BCKDHB: variants seen among roughly 807,000 people sequenced by gnomAD.
BCKDHB encodes 2-oxoisovalerate dehydrogenase subunit beta, mitochondrial.
Under a neutral mutation model 48.5 loss-of-function variants are expected in BCKDHB, and 41 were observed. The observed-to-expected ratio is 0.85, with a 90% CI of 0.66 to 1.10. BCKDHB has a LOEUF of 1.10. Ranked by LOEUF, BCKDHB falls within the 50% of genes least tolerant of loss-of-function variation. The pLI, the probability that BCKDHB is intolerant of heterozygous loss-of-function variation, is 0.00. For synonymous variants in BCKDHB, 201 were observed against 174.8 expected (o/e 1.15, Z -1.18); for missense variants, 496 against 494.2 (o/e 1.00, Z -0.03).
At chr6:80,457,987 A>G in the BCKDHB span, among the ~76,000 whole-genome samples, 1 of 152,176 alleles carries the variant, frequency 6.6e-6, no homozygotes, top group Non-Finnish European at 1.5e-5. Flanking sequence ...ATAGACATAG[A>G]TTTCACGTAA....
At chr6:80,381,264 C>T in the BCKDHB span, among the ~76,000 whole-genome samples, 1 of 151,920 alleles carries the variant, frequency 6.6e-6, no homozygotes, top group African/African-American at 2.4e-5. Flanking sequence ...CTCAATGACA[C>T]CTCTGAGAAT....
At chr6:80,290,894 G>A (rs986709807) in intron 9 of BCKDHB, among the ~76,000 whole-genome samples, 2 of 152,196 alleles carry the variant, frequency 1.3e-5, no homozygotes, top group African/African-American at 4.8e-5. Context: ...AACACATAGG[G>A]GTAACTTGTT....
intron 1 of BCKDHB, 138 bp from the exon 2 acceptor site, chr6:80,127,409 A>T (rs1243663779): frequency 1.3e-6 from 1 of 747,444 alleles, no homozygotes; most frequent in Non-Finnish European, 2.3e-6. Flanking sequence ...TTATAGTATT[A>T]TTGTAAATAA....
chr6:80,214,320 A>C (rs1445872334), intron 8 of BCKDHB, among the ~76,000 whole-genome samples: 1 of 152,256 alleles, frequency 6.6e-6, no homozygotes, highest in Non-Finnish European at 1.5e-5. Flanking sequence ...TTGGAAATTT[A>C]ATTCTGATTT....
At chr6:80,284,502 T>A (rs1177412783) in intron 9 of BCKDHB, among the ~76,000 whole-genome samples, 1 of 152,134 alleles carries the variant, frequency 6.6e-6, no homozygotes, top group Non-Finnish European at 1.5e-5. Context: ...ACTTTATTTT[T>A]GCTTCTTGAT....
Position 80,130,764 on chromosome 6 carries a change from G to A in BCKDHB, c.343+1535G>A, listed in dbSNP as rs150650772. Among the ~76,000 whole-genome samples, 720 of 152,186 alleles carry A rather than the reference G, an allele frequency of 4.7e-3. 13 individuals are homozygous for A. Among genetic ancestry groups the A allele is most frequent in the South Asian group, 0.03 (147 of 4,824 alleles). ...TAACTTGGAGATAACCACTGTACAC[G>A]TCTTGGTATATATACTTCTAGACTG... On this transcript the variant is annotated intron_variant, in intron 3 of 9. Transcript: ENST00000320393.
At chr6:80,151,758 A>G (rs1289573500) in intron 3 of BCKDHB, among the ~76,000 whole-genome samples, 1 of 152,180 alleles carries the variant, frequency 6.6e-6, no homozygotes, top group Non-Finnish European at 1.5e-5. Flanking sequence ...AGAAAAGGGC[A>G]CCAGCCTATT....
At chr6:80,146,043 C>T (rs543856216) in intron 3 of BCKDHB, among the ~76,000 whole-genome samples, 1 of 152,226 alleles carries the variant, frequency 6.6e-6, no homozygotes, top group African/African-American at 2.4e-5. Flanking sequence ...GTTTGCTTCA[C>T]AGCACTGCTT....
intron 8 of BCKDHB, among the ~76,000 whole-genome samples, chr6:80,216,432 A>G (rs771938830): frequency 9.2e-5 from 14 of 152,334 alleles, no homozygotes; most frequent in South Asian, 2.1e-4. Flanking sequence ...TCACACTACC[A>G]TATTTTCTTT....
chr6:80,333,832 T>G (rs1369203452), intron 9 of BCKDHB, among the ~76,000 whole-genome samples: 1 of 152,184 alleles, frequency 6.6e-6, no homozygotes, highest in African/African-American at 2.4e-5. Context: ...GCATTTTTAA[T>G]TTTATATTTT....
At chr6:80,266,611 T>C (rs1212502395) in intron 8 of BCKDHB, among the ~76,000 whole-genome samples, 8 of 152,070 alleles carry the variant, frequency 5.3e-5, no homozygotes, top group Non-Finnish European at 1.0e-4. Context: ...GAAGCATGTA[T>C]TGTACTGCGA....
intron 8 of BCKDHB, among the ~76,000 whole-genome samples, chr6:80,205,363 C>G (rs534531213): frequency 6.6e-6 from 1 of 151,868 alleles, no homozygotes; most frequent in African/African-American, 2.4e-5. Context: ...CTCATTAGAT[C>G]GCTGAGTTTT....
the BCKDHB span, among the ~76,000 whole-genome samples, chr6:80,458,747 G>T: frequency 6.6e-6 from 1 of 152,108 alleles, no homozygotes; most frequent in Non-Finnish European, 1.5e-5. Flanking sequence ...GGACATTGAG[G>T]GATGGGGTGA....
the BCKDHB span, among the ~76,000 whole-genome samples, chr6:80,434,498 T>C: frequency 6.6e-6 from 1 of 152,082 alleles, no homozygotes; most frequent in South Asian, 2.1e-4. Context: ...AATATTTTCC[T>C]GGGTTTTGCA....
At chr6:80,214,187 G>C (rs1419343457) in intron 8 of BCKDHB, among the ~76,000 whole-genome samples, 1 of 152,124 alleles carries the variant, frequency 6.6e-6, no homozygotes, top group South Asian at 2.1e-4. Flanking sequence ...AATGGGGAAG[G>C]AGTCAAACCT....
At chr6:80,241,595 G>C (rs1443490400) in intron 8 of BCKDHB, among the ~76,000 whole-genome samples, 2 of 152,170 alleles carry the variant, frequency 1.3e-5, no homozygotes, top group Non-Finnish European at 2.9e-5. Flanking sequence ...GTGCAGAGCA[G>C]CAAATATTGC....
At chr6:80,231,348 T>C (rs1433002449) in intron 8 of BCKDHB, among the ~76,000 whole-genome samples, 1 of 152,096 alleles carries the variant, frequency 6.6e-6, no homozygotes, top group African/African-American at 2.4e-5. Context: ...GATATTTGGC[T>C]ACATAAAAAA....
At chr6:80,161,791 A>G (rs1180545011) in intron 3 of BCKDHB, among the ~76,000 whole-genome samples, 1 of 152,204 alleles carries the variant, frequency 6.6e-6, no homozygotes, top group Non-Finnish European at 1.5e-5. Context: ...TGGTCTCTGC[A>G]TAATCTCAGT....
At chr6:80,337,581 A>G (rs1352624377) in intron 9 of BCKDHB, among the ~76,000 whole-genome samples, 2 of 151,780 alleles carry the variant, frequency 1.3e-5, no homozygotes, top group Admixed American at 1.3e-4. Flanking sequence ...GTTCTGTTCA[A>G]TACTCATTAT....
Sources: gnomAD v4.1 joint callset for allele counts (sites outside exome capture counted in the v4.1 genomes callset) on GRCh38, gnomAD v4.1.1 for gene constraint, MANE v1.5 for transcripts, NCBI Gene and HGNC (gene_info 2026-07-23, HGNC 2026-07-21) for gene names.